PRKCE: variants seen among roughly 807,000 people sequenced by gnomAD.
PRKCE encodes protein kinase C epsilon type.
PRKCE carries 16 observed loss-of-function variants against 85.4 expected under a neutral mutation model. The ratio of observed to expected loss-of-function variants is 0.19; its 90% CI spans 0.13 to 0.28. The LOEUF is 0.28. Among genes scored for constraint, PRKCE ranks in the 10% least tolerant of loss-of-function variants. The pLI, the probability that PRKCE is intolerant of heterozygous loss-of-function variation, is 1.00. For missense variants in PRKCE, 573 were observed against 975.2 expected (o/e 0.59, Z 5.49); for synonymous variants, 388 against 371.5 (o/e 1.04, Z -0.51).
chr2:45,654,055 G>T (rs915208028), intron 1 of PRKCE, among the ~76,000 whole-genome samples: 1 of 152,204 alleles, frequency 6.6e-6, no homozygotes, highest in Non-Finnish European at 1.5e-5. Context: ...CTGTGATTTT[G>T]GAGTTGTTGT....
chr2:45,957,799 A>G (rs1038609938), intron 2 of PRKCE, among the ~76,000 whole-genome samples: 3 of 152,016 alleles, frequency 2.0e-5, no homozygotes, highest in Admixed American at 6.6e-5. Context: ...GTAGCCCCGC[A>G]TACTTGGGAG....
chr2:45,674,262 A>G (rs551124498), intron 1 of PRKCE, among the ~76,000 whole-genome samples: 7 of 152,292 alleles, frequency 4.6e-5, no homozygotes, highest in South Asian at 4.2e-4. Context: ...GGCTGAGTAT[A>G]AACTCATTTA....
At position 45,652,208 on chromosome 2, in the gene PRKCE, C is replaced by T; in HGVS notation, c.108C>T (p.Phe36=). The part of the protein sequence containing the change: ...RHAVGPRPQT[F]LLDPYIALNV... ...CGGTGGGACCCCGGCCGCAGACTTT[C>T]CTTCTCGACCCCTACATTGCCCTCA... Residue 36 remains phenylalanine (F), a synonymous_variant, in exon 1 of 15, where the codon TTC becomes TTT. Transcript: ENST00000306156. The surrounding 1 kb of genome is among the most constrained non-coding windows in gnomAD (Gnocchi z 7.7). The T allele has an allele frequency of 6.2e-7, 1 of 1,613,652 alleles. No individual in the cohort carries two copies. The highest frequency in any genetic ancestry group is 8.5e-7 in the Non-Finnish European group (1 of 1,179,990).
chr2:45,902,454 C>T (rs974384871), intron 2 of PRKCE, among the ~76,000 whole-genome samples: 1 of 152,044 alleles, frequency 6.6e-6, no homozygotes, highest in Non-Finnish European at 1.5e-5. Flanking sequence ...GCCTGAGGAG[C>T]TAAGATAGAA....
intron 11 of PRKCE, among the ~76,000 whole-genome samples, chr2:46,133,584 G>A (rs939761012): frequency 6.6e-5 from 10 of 152,180 alleles, no homozygotes; most frequent in Non-Finnish European, 1.3e-4. Flanking sequence ...TTTGATGGAC[G>A]CTAAAATGGA....
chr2:45,983,313 C>T (rs1337772530), intron 5 of PRKCE, among the ~76,000 whole-genome samples: 1 of 152,172 alleles, frequency 6.6e-6, no homozygotes, highest in East Asian at 1.9e-4. Context: ...ACTTATCAGT[C>T]AGCCAGGGAG....
intron 1 of PRKCE, among the ~76,000 whole-genome samples, chr2:45,832,601 G>A (rs1016915386): frequency 2.6e-5 from 4 of 151,968 alleles, no homozygotes; most frequent in South Asian, 4.2e-4. Flanking sequence ...GTGAGCCACC[G>A]CACCCGGCCA....
At chr2:45,804,981 GT>G (rs1194283557) in intron 1 of PRKCE, among the ~76,000 whole-genome samples, 6 of 111,862 alleles carry the variant, frequency 5.4e-5, no homozygotes, top group African/African-American at 1.0e-4. Context: ...TCTATGTTCT[GT>G]TTTATGCTAG....
intron 11 of PRKCE, among the ~76,000 whole-genome samples, chr2:46,096,733 A>G (rs1427180606): frequency 6.6e-6 from 1 of 152,180 alleles, no homozygotes; most frequent in Non-Finnish European, 1.5e-5. Context: ...GTTTTTTGTT[A>G]TGGCAGTTCT....
At position 45,697,270 on chromosome 2, in the gene PRKCE, C is replaced by T. The variant is rs1572973782; in HGVS notation, c.348+44822C>T. Among the ~76,000 whole-genome samples the T allele has an allele frequency of 6.6e-6, 1 of 152,114 alleles. No individual in the cohort carries two copies. The highest frequency in any genetic ancestry group is 2.1e-4 in the South Asian group (1 of 4,830). ...GCACCCCACTGGCTGGCCTGGCCCT[C>T]CTGGCTGCCCACATTCTGCTTGGCT... On this transcript the variant is annotated intron_variant, in intron 1 of 14. Coordinates refer to ENST00000306156, the MANE Select transcript of PRKCE (RefSeq NM_005400.3). The surrounding 1 kb of genome is among the most constrained non-coding windows in gnomAD (Gnocchi z 4.2).
intron 1 of PRKCE, among the ~76,000 whole-genome samples, chr2:45,730,065 A>G (rs1043598051): frequency 1.3e-5 from 2 of 152,256 alleles, no homozygotes; most frequent in Admixed American, 1.3e-4. Context: ...GAAGAAAAAC[A>G]GAAACCACAC....
intron 10 of PRKCE, among the ~76,000 whole-genome samples, chr2:46,073,115 T>C (rs1482108065): frequency 1.3e-5 from 2 of 152,188 alleles, no homozygotes; most frequent in Admixed American, 1.3e-4. Context: ...GCTCATCTGG[T>C]CCAGCCTCTC....
At chr2:45,846,121 AG>A in intron 2 of PRKCE, among the ~76,000 whole-genome samples, 2 of 152,258 alleles carry the variant, frequency 1.3e-5, no homozygotes, top group Middle Eastern at 6.8e-3. Context: ...GGTTCTGGTA[AG>A]GGTGGCTCTC....
intron 6 of PRKCE, among the ~76,000 whole-genome samples, chr2:45,997,638 C>A (rs1220001778): frequency 2.0e-5 from 3 of 151,996 alleles, no homozygotes; most frequent in Admixed American, 1.3e-4. Context: ...CCTCTGCCTC[C>A]CGAGTTCAAG....
intron 10 of PRKCE, among the ~76,000 whole-genome samples, chr2:46,055,816 C>G (rs957042778): frequency 3.3e-5 from 5 of 152,170 alleles, no homozygotes; most frequent in African/African-American, 1.2e-4. Flanking sequence ...GTGCACACCA[C>G]CACGCCTAGC....
intron 10 of PRKCE, among the ~76,000 whole-genome samples, chr2:46,053,305 TA>T (rs200835636): frequency 0.03 from 4,537 of 151,982 alleles, 96 homozygotes; most frequent in Non-Finnish European, 0.044. Context: ...TACTTTTTAA[TA>T]AAAAAAAGTT....
At chr2:45,960,999 A>T (rs1701337183) in intron 2 of PRKCE, among the ~76,000 whole-genome samples, 1 of 152,192 alleles carries the variant, frequency 6.6e-6, no homozygotes, top group Non-Finnish European at 1.5e-5. Flanking sequence ...GCAAACACAG[A>T]GGGGCTGGAA....
At chr2:45,797,789 C>T (rs900864948) in intron 1 of PRKCE, among the ~76,000 whole-genome samples, 1 of 152,212 alleles carries the variant, frequency 6.6e-6, no homozygotes, top group Admixed American at 6.5e-5. Context: ...GTAGCTTTGG[C>T]GCTTGGCGCT....
chr2:45,985,257 C>T (rs1189906250), intron 6 of PRKCE, among the ~76,000 whole-genome samples: 1 of 152,174 alleles, frequency 6.6e-6, no homozygotes, highest in African/African-American at 2.4e-5. Context: ...GGATTTGAAC[C>T]TTGACTCTCG....
Sources: allele counts gnomAD v4.1 joint callset (sites outside exome capture counted in the v4.1 genomes callset), GRCh38; gene constraint gnomAD v4.1.1; non-coding constraint Gnocchi (gnomAD v3.1); transcripts MANE v1.5; gene names NCBI Gene and HGNC (gene_info 2026-07-23, HGNC 2026-07-21).